Variants in HMGA2 observed in about 807,000 individuals in gnomAD.
HMGA2 encodes high mobility group protein HMGI-C.
In HMGA2, 8 loss-of-function variants were observed where a neutral mutation model predicts 19.1. That is an observed-to-expected ratio of 0.42 (90% CI 0.25 to 0.76). The LOEUF is 0.76. Ranked by LOEUF, HMGA2 falls within the 30% of genes least tolerant of loss-of-function variation. The probability of loss-of-function intolerance (pLI) is 0.28; values close to 1 mark genes in which losing one functional copy is unlikely to be tolerated. For missense variants in HMGA2, 109 were observed against 136.3 expected, an observed-to-expected ratio of 0.80 and a Z score of 1.00; for synonymous variants, 60 against 48.8, an observed-to-expected ratio of 1.23 and a Z score of -0.96.
chr12:65,885,608 A>G (rs756000248), intron 3 of HMGA2, among the ~76,000 whole-genome samples: 21 of 152,176 alleles, frequency 1.4e-4, no homozygotes, highest in Non-Finnish European at 2.8e-4. Flanking sequence ...GTCCCTGGGA[A>G]CAAATAACAT....
chr12:65,943,542 A>C (rs1722031175), intron 3 of HMGA2, among the ~76,000 whole-genome samples: 1 of 152,196 alleles, frequency 6.6e-6, no homozygotes, highest in Non-Finnish European at 1.5e-5. Context: ...TAATAATCCA[A>C]TAAATACTTT....
At chr12:65,881,419 G>A (rs1172528923) in intron 3 of HMGA2, 7 of 359,012 alleles carry the variant, frequency 1.9e-5, no homozygotes, top group Non-Finnish European at 3.6e-5. Context: ...GGTTAATCAC[G>A]TGCTTGCTGG....
chr12:65,872,664 A>G (rs1872770200), intron 3 of HMGA2, among the ~76,000 whole-genome samples: 1 of 152,114 alleles, frequency 6.6e-6, no homozygotes, highest in African/African-American at 2.4e-5. Flanking sequence ...TTCTTTGTAC[A>G]AGTCTTTATC....
At chr12:65,887,664 A>G (rs1873715859) in intron 3 of HMGA2, among the ~76,000 whole-genome samples, 1 of 152,200 alleles carries the variant, frequency 6.6e-6, no homozygotes. Flanking sequence ...CAGAGATTGC[A>G]GTGAGCCGAG....
intron 3 of HMGA2, among the ~76,000 whole-genome samples, chr12:65,897,289 A>G (rs1318128181): frequency 6.6e-6 from 1 of 152,194 alleles, no homozygotes; most frequent in Non-Finnish European, 1.5e-5. Context: ...TATTGACCAT[A>G]GTCACCCTGT....
intron 3 of HMGA2, among the ~76,000 whole-genome samples, chr12:65,889,453 T>C (rs78232438): frequency 2.0e-5 from 3 of 152,244 alleles, no homozygotes; most frequent in African/African-American, 7.2e-5. Context: ...TAGGTAAATA[T>C]ACGTGTATAT....
At chr12:65,946,115 T>C (rs994957532) in intron 3 of HMGA2, among the ~76,000 whole-genome samples, 6 of 152,194 alleles carry the variant, frequency 3.9e-5, no homozygotes, top group African/African-American at 7.2e-5. Context: ...GTAACTCTCA[T>C]TGAGGAATTT....
At position 65,897,462 on chromosome 12, in the gene HMGA2, G is replaced by A. The variant is rs117198352; in HGVS notation, c.250-53921G>A. On this transcript the variant is annotated intron_variant, in intron 3 of 4. Transcript: ENST00000403681. Reference sequence around the variant, plus strand: ...TAATTTGGAAATAAATAGTACATTAGGCATCCTGATAGAGGTAATTCTACT... The same window carrying A: ...TAATTTGGAAATAAATAGTACATTAAGCATCCTGATAGAGGTAATTCTACT... 8.2e-4 allele frequency among the ~76,000 whole-genome samples: 125 copies of A among 152,212 alleles called. 1 individual carries two copies. In the East Asian group the frequency reaches 0.014, roughly 17 times the overall value.
At chr12:65,871,741 A>T (rs1872721870) in intron 3 of HMGA2, among the ~76,000 whole-genome samples, 1 of 152,226 alleles carries the variant, frequency 6.6e-6, no homozygotes, top group African/African-American at 2.4e-5. Context: ...TGCACAGAAC[A>T]ATGTCACATG....
chr12:65,865,494 G>GTT (rs1415333594), intron 3 of HMGA2, among the ~76,000 whole-genome samples: 5 of 152,072 alleles, frequency 3.3e-5, no homozygotes, highest in African/African-American at 7.2e-5. Context: ...TGAAACTTAA[G>GTT]TTAGTCTTCA....
chr12:65,957,771 T>C (rs1876644006), intron 4 of HMGA2: 1 of 152,240 alleles, frequency 6.6e-6, no homozygotes, highest in South Asian at 2.1e-4. Context: ...GCATTACTTC[T>C]GTTGCAGTAT....
intron 3 of HMGA2, among the ~76,000 whole-genome samples, chr12:65,929,886 G>A (rs531765482): frequency 2.6e-5 from 4 of 152,268 alleles, no homozygotes; most frequent in African/African-American, 7.2e-5. Context: ...TTTTTGTAAT[G>A]TGTCAAGACA....
At chr12:65,884,278 A>T (rs545530089) in intron 3 of HMGA2, among the ~76,000 whole-genome samples, 6 of 152,252 alleles carry the variant, frequency 3.9e-5, no homozygotes, top group African/African-American at 7.2e-5. Context: ...TGAACTGCTC[A>T]TAAGAACATT....
rs370942036 is a variant in HMGA2, at chr12:65,885,915, G to C, written c.249+47346G>C. On this transcript the variant is annotated intron_variant, in intron 3 of 4. Transcript: ENST00000403681. ...TAAATGGGGAGGAACCCTTAGTTCCGGGAACTGCCCACCCCTTTCCTGGAA... is the reference window on the plus strand; with the variant it reads ...TAAATGGGGAGGAACCCTTAGTTCCCGGAACTGCCCACCCCTTTCCTGGAA... Among the ~76,000 whole-genome samples the C allele has an allele frequency of 2.2e-4, 33 of 152,228 alleles. No homozygotes were observed. The Middle Eastern group carries it at 0.01, about 47-fold the overall frequency.
chr12:65,838,619 G>C, intron 3 of HMGA2, 50 bp downstream of exon 3: 1 of 1,349,742 alleles, frequency 7.4e-7, no homozygotes, highest in East Asian at 2.5e-5. Context: ...AAAAATTTCT[G>C]TTGTATTAAA....
At chr12:65,838,396 A>AC (rs1056402642) in intron 2 of HMGA2, 123 bp from the exon 3 acceptor site, 22 of 740,446 alleles carry the variant, frequency 3.0e-5, no homozygotes, top group Non-Finnish European at 4.1e-5. Flanking sequence ...AAAAAAACAA[A>AC]AAAAAAAAAA....
chr12:65,952,403 T>C (rs1876489067), intron 4 of HMGA2: 1 of 1,534,690 alleles, frequency 6.5e-7, no homozygotes, highest in South Asian at 1.2e-5. Context: ...ATCTTATATA[T>C]CTACTGTTCT....
At chr12:65,901,208 G>A (rs1045079130) in intron 3 of HMGA2, among the ~76,000 whole-genome samples, 2 of 152,146 alleles carry the variant, frequency 1.3e-5, no homozygotes, top group African/African-American at 2.4e-5. Flanking sequence ...AAAAATTATT[G>A]AGAACATTTT....
intron 3 of HMGA2, among the ~76,000 whole-genome samples, chr12:65,944,628 C>A (rs1416052293): frequency 1.3e-5 from 2 of 148,518 alleles, no homozygotes; most frequent in Non-Finnish European, 3.0e-5. Context: ...CCTAATACAG[C>A]CTAATGACAA....
Sources: allele counts gnomAD v4.1 joint callset (sites outside exome capture counted in the v4.1 genomes callset), GRCh38; gene constraint gnomAD v4.1.1; transcripts MANE v1.5; gene names NCBI Gene and HGNC (gene_info 2026-07-23, HGNC 2026-07-21).